The following RABL6 variants were observed in gnomAD, a reference collection of about 807,000 sequenced individuals.
The protein encoded by RABL6 is rab-like protein 6.
In RABL6, 28 loss-of-function variants were observed where a neutral mutation model predicts 72.9. The observed-to-expected ratio is 0.38, with a 90% confidence interval of 0.28 to 0.53. The LOEUF is 0.53. Among genes scored for constraint, RABL6 ranks in the 20% least tolerant of loss-of-function variants. The pLI is 0.80. For synonymous variants in RABL6, 477 were observed against 421.2 expected, an observed-to-expected ratio of 1.13 and a Z score of -1.62; for missense variants, 1,029 against 1,008.4, an observed-to-expected ratio of 1.02 and a Z score of -0.28.
In RABL6 at chr9:136,835,862, G is replaced by A. The variant is rs756402262; in HGVS notation, c.809+17G>A. ...CTACGGCATGTATGTGGCCGGACCC[G>A]CCCGTGCGGGCGGTGTGGGGGCTGC... On this transcript the variant is annotated intron_variant, in intron 8 of 14. Coordinates refer to ENST00000311502, the MANE Select transcript of RABL6 (RefSeq NM_024718.5). 2.1e-5 allele frequency: 32 copies of A among 1,547,914 alleles called. No homozygotes were observed. The highest frequency in any genetic ancestry group is 2.2e-4 in the Middle Eastern group (1 of 4,516).
chr9:136,834,490 CT>C, intron 7 of RABL6: 36 of 972,412 alleles, frequency 3.7e-5, no homozygotes, highest in Non-Finnish European at 4.2e-5. Context: ...TTAATACACT[CT>C]TTTTTTTGGA....
chr9:136,813,253 AT>A, intron 1 of RABL6: 1 of 555,096 alleles, frequency 1.8e-6, no homozygotes, highest in Non-Finnish European at 3.4e-6. Flanking sequence ...AAGCTGCTTT[AT>A]CATCTTCAAA....
chr9:136,822,915 C>T (rs931787487), intron 1 of RABL6, among the ~76,000 whole-genome samples: 4 of 152,062 alleles, frequency 2.6e-5, no homozygotes, highest in Non-Finnish European at 5.9e-5. Flanking sequence ...GGTGAAACCC[C>T]GTCTCTACTA....
rs1848368837 is a variant in RABL6, at chr9:136,826,799, G to A, written c.313+973G>A. The A allele has an allele frequency of 6.6e-6, 1 of 152,246 alleles. No homozygotes were observed. Among genetic ancestry groups the A allele is most frequent in the Non-Finnish European group, 1.5e-5 (1 of 68,104 alleles). The allele number at this position is 152,246 out of a possible 1,614,324, so 9.4% of individuals were successfully genotyped here. A position where few individuals can be genotyped will look rare whatever the true frequency, so the allele number is the denominator to read the frequency against. Reference sequence around the variant, plus strand: ...TATCAGATCTGCCTGTGGCCCCCAGGTGGCTCAGGAAGGGCCGTCCTGACC... The same window carrying A: ...TATCAGATCTGCCTGTGGCCCCCAGATGGCTCAGGAAGGGCCGTCCTGACC... On this transcript the variant is annotated intron_variant, in intron 3 of 14. Transcript: ENST00000311502. The surrounding 1 kb of genome is among the most constrained non-coding windows in gnomAD (Gnocchi z 4.9).
chr9:136,831,835 G>A lies in RABL6; in HGVS notation c.573G>A (p.Val191=). Residue 191 remains valine, a synonymous_variant, in exon 6 of 15, where the codon GTG becomes GTA. Coordinates refer to ENST00000311502, the MANE Select transcript of RABL6 (RefSeq NM_024718.5). ...ACCGAGTCATCCTGCCGGACGACGT[G>A]CGTGACTTCATCGACAACCTGGACA... The part of the protein sequence containing the change: ...GEHRVILPDD[V]RDFIDNLDRP... The A allele has an allele frequency of 6.2e-7, 1 of 1,612,658 alleles. No individual in the cohort carries two copies.
At chr9:136,822,066 G>A (rs1367860320) in intron 1 of RABL6, 2 of 1,289,480 alleles carry the variant, frequency 1.6e-6, no homozygotes, top group Non-Finnish European at 2.0e-6. Flanking sequence ...GGTGCCTTGA[G>A]GTAGAGGGAG....
intron 1 of RABL6, among the ~76,000 whole-genome samples, chr9:136,816,064 G>GAAAAC (rs150286588): frequency 0.061 from 9,301 of 152,016 alleles, 693 homozygotes; most frequent in African/African-American, 0.18. Flanking sequence ...CAGAAAAAAA[G>GAAAAC]AAAACCCAAG....
intron 1 of RABL6, chr9:136,813,355 T>C: frequency 1.1e-6 from 1 of 920,250 alleles, no homozygotes. Flanking sequence ...TCAGATTCTT[T>C]CTGAAGAGTT....
At chr9:136,820,813 T>C (rs1848221021) in intron 1 of RABL6, among the ~76,000 whole-genome samples, 1 of 152,164 alleles carries the variant, frequency 6.6e-6, no homozygotes. Flanking sequence ...ATCCGAATAA[T>C]ATATATTACG....
chr9:136,816,467 CA>C lies in RABL6; in HGVS notation c.131-7057del, dbSNP rs1410033125. 5.9e-5 allele frequency among the ~76,000 whole-genome samples: 9 copies of C among 151,916 alleles called. No individual in the cohort carries two copies. In the East Asian group the frequency reaches 1.8e-3, roughly 30 times the overall value. On this transcript the variant is annotated intron_variant, in intron 1 of 14. Transcript: ENST00000311502. ...TGGTGCCTCACTCCTGTAATCCCAGCACTTTGGGAGGCCGAGGTTGGTGGAT... is the reference window on the plus strand; with the variant it reads ...TGGTGCCTCACTCCTGTAATCCCAGCCTTTGGGAGGCCGAGGTTGGTGGAT...
At position 136,832,520 on chromosome 9, in the gene RABL6, T is replaced by C. The variant is rs142726645; in HGVS notation, c.705+150T>C. The C allele has an allele frequency of 1.8e-3, 1,307 of 740,378 alleles. 7 individuals carry two copies. The African/African-American group carries it at 0.02, about 11-fold the overall frequency. The allele number at this position is 740,378 out of a possible 1,614,324, so 45.9% of individuals were successfully genotyped here. On this transcript the variant is annotated intron_variant, in intron 7 of 14. Coordinates refer to ENST00000311502, the MANE Select transcript of RABL6 (RefSeq NM_024718.5). Reference sequence around the variant, plus strand: ...TGCTGGCAAGGGCCCAGCGTTCTACTGCACCTGCCTGCTCTGGGTGGCAGA... The same window carrying C: ...TGCTGGCAAGGGCCCAGCGTTCTACCGCACCTGCCTGCTCTGGGTGGCAGA...
chr9:136,825,847 G>A (rs372820615), intron 3 of RABL6, 21 bp downstream of exon 3: 73 of 1,604,370 alleles, frequency 4.6e-5, no homozygotes, highest in African/African-American at 2.1e-4. Flanking sequence ...TCTGTTCTGT[G>A]TCTGCTTCTC....
At chr9:136,828,280 C>T (rs1021928140) in intron 3 of RABL6, 2 of 562,294 alleles carry the variant, frequency 3.6e-6, no homozygotes, top group Non-Finnish European at 3.2e-6. Context: ...CCTGTCCAGG[C>T]CCGGCCCAGC....
At chr9:136,832,480 T>C in intron 7 of RABL6, 110 bp downstream of exon 7, 3 of 919,994 alleles carry the variant, frequency 3.3e-6, no homozygotes, top group Non-Finnish European at 5.3e-6. Context: ...GCTGTGGACC[T>C]GCTCGGAGAT....
intron 4 of RABL6, 111 bp downstream of exon 4, chr9:136,828,657 C>A: frequency 8.6e-7 from 1 of 1,158,084 alleles, no homozygotes; most frequent in Non-Finnish European, 1.2e-6. Flanking sequence ...TATGCTGTGG[C>A]CACGGGGGCC....
At chr9:136,825,254 G>A (rs962947086) in intron 2 of RABL6, among the ~76,000 whole-genome samples, 3 of 152,278 alleles carry the variant, frequency 2.0e-5, no homozygotes, top group South Asian at 4.1e-4. Context: ...GCCAGTCACT[G>A]GATGAAGAAA....
chr9:136,825,608 G>A (rs1848338460), intron 2 of RABL6, among the ~76,000 whole-genome samples, 171 bp from the exon 3 acceptor site: 1 of 152,210 alleles, frequency 6.6e-6, no homozygotes. Flanking sequence ...AAGGCCTGAA[G>A]GAGCCGCCAT....
rs957020259 is a variant in RABL6 at position 136,826,620 on chromosome 9, C to G, written c.313+794C>G. 2.0e-5 allele frequency: 3 copies of G among 152,278 alleles called. No homozygotes were observed. The highest frequency in any genetic ancestry group is 7.2e-5 in the African/African-American group (3 of 41,402). 9.4% of individuals were successfully genotyped at this position (152,278 alleles called of 1,614,324 possible). ...CAGTTCCCGCAGGGGTGCTGGGCCC[C>G]TGCGGCTCCCACCACATTGCGCTGG... On this transcript the variant is annotated intron_variant, in intron 3 of 14. Transcript: ENST00000311502. The surrounding 1 kb of genome is among the most constrained non-coding windows in gnomAD (Gnocchi z 4.9).
In RABL6 at chr9:136,840,795, G is replaced by C; in HGVS notation, c.*273G>C. The C allele has an allele frequency of 6.5e-7, 1 of 1,547,660 alleles. No homozygotes were observed. Among genetic ancestry groups the C allele is most frequent in the Non-Finnish European group, 8.7e-7 (1 of 1,146,810 alleles). ...TGGCCCTCTCGGGGCAGAGCCGCCA[G>C]TGTTTCTCAGGGATGTGACTGAGGC... is the stretch of plus-strand genomic sequence containing the variant. On this transcript the variant is annotated 3_prime_UTR_variant, in exon 15 of 15. Transcript: ENST00000311502.
Sources: gnomAD v4.1 joint callset for allele counts (sites outside exome capture counted in the v4.1 genomes callset) on GRCh38, gnomAD v4.1.1 for gene constraint, Gnocchi (gnomAD v3.1) non-coding constraint, MANE v1.5 for transcripts, NCBI Gene and HGNC (gene_info 2026-07-23, HGNC 2026-07-21) for gene names.